The following ZNF804B variants were observed in gnomAD, a reference collection of about 807,000 sequenced individuals.
The protein encoded by ZNF804B is zinc finger 804B.
Under a neutral mutation model 101.4 loss-of-function variants are expected in ZNF804B, and 80 were observed. That is an observed-to-expected ratio of 0.79 (90% CI 0.66 to 0.95). The LOEUF (loss-of-function observed/expected upper bound fraction) is 0.95, where lower values mean the gene tolerates loss of function less well. Ranked by LOEUF, ZNF804B falls within the 40% of genes least tolerant of loss-of-function variation. The pLI, the probability that ZNF804B is intolerant of heterozygous loss-of-function variation, is 0.00. For missense variants in ZNF804B, 1,673 were observed against 1,561.9 expected (o/e 1.07, Z -1.20); for synonymous variants, 622 against 558.8 (o/e 1.11, Z -1.59).
intron 1 of ZNF804B, among the ~76,000 whole-genome samples, chr7:89,072,579 G>A (rs1036220702): frequency 6.6e-6 from 1 of 152,014 alleles, no homozygotes. Flanking sequence ...CTCTCTTTTG[G>A]AGTATATGAA....
At chr7:88,856,369 C>T (rs1419984774) in intron 1 of ZNF804B, among the ~76,000 whole-genome samples, 12 of 152,206 alleles carry the variant, frequency 7.9e-5, no homozygotes, top group East Asian at 5.8e-4. Flanking sequence ...TTTGAAGCAA[C>T]TGTGAATGGG....
chr7:88,848,238 G>C (rs1791403217), intron 1 of ZNF804B, among the ~76,000 whole-genome samples: 1 of 152,196 alleles, frequency 6.6e-6, no homozygotes, highest in Admixed American at 6.5e-5. Flanking sequence ...TGCTGGGTTA[G>C]AGCATGAAAG....
At chr7:89,280,984 G>T (rs531617744) in intron 2 of ZNF804B, among the ~76,000 whole-genome samples, 11 of 151,974 alleles carry the variant, frequency 7.2e-5, no homozygotes, top group Non-Finnish European at 1.3e-4. Flanking sequence ...TCAGTGTTTT[G>T]TAGTAAATTT....
At chr7:89,247,066 T>C (rs1789460541) in intron 2 of ZNF804B, among the ~76,000 whole-genome samples, 1 of 152,140 alleles carries the variant, frequency 6.6e-6, no homozygotes, top group South Asian at 2.1e-4. Context: ...GCACCCACTC[T>C]CCTGGATTAG....
In ZNF804B at chr7:89,220,041, A is replaced by G. The variant is rs1294642039; in HGVS notation, c.249+1746A>G. Among the ~76,000 whole-genome samples the G allele has an allele frequency of 8.2e-5, 11 of 134,968 alleles. 2 individuals carry two copies. The highest frequency in any genetic ancestry group is 6.3e-4 in the East Asian group (3 of 4,756). 88.5% of individuals were successfully genotyped at this position (134,968 alleles called of 152,430 possible). On this transcript the variant is annotated intron_variant, in intron 2 of 3. Coordinates refer to ENST00000333190, the MANE Select transcript of ZNF804B (RefSeq NM_181646.5). ...TGTATACATATATATACGCACATAT[A>G]TGTGCATATATACATATATACGCAC...
chr7:89,020,691 A>G (rs1788652793), intron 1 of ZNF804B, among the ~76,000 whole-genome samples: 1 of 152,112 alleles, frequency 6.6e-6, no homozygotes, highest in Non-Finnish European at 1.5e-5. Context: ...GAATTCCCAT[A>G]ATGTGCATAT....
At chr7:88,821,309 TA>T (rs1362441334) in intron 1 of ZNF804B, among the ~76,000 whole-genome samples, 1 of 152,208 alleles carries the variant, frequency 6.6e-6, no homozygotes, top group Non-Finnish European at 1.5e-5. Flanking sequence ...TGTATTTACT[TA>T]AATCCTACTT....
intron 1 of ZNF804B, among the ~76,000 whole-genome samples, chr7:88,966,963 C>CTTTTTTTTTTTT (rs201888421): frequency 7.0e-6 from 1 of 141,858 alleles, no homozygotes; most frequent in Non-Finnish European, 1.6e-5. Flanking sequence ...GAATTCTGGA[C>CTTTTTTTTTTTT]TTTTTTTTTT....
intron 1 of ZNF804B, among the ~76,000 whole-genome samples, chr7:89,033,273 C>T (rs972616499): frequency 2.0e-5 from 3 of 152,222 alleles, no homozygotes; most frequent in African/African-American, 7.2e-5. Context: ...CTCCAATTCA[C>T]GTTGTCACAA....
intron 1 of ZNF804B, among the ~76,000 whole-genome samples, chr7:88,993,139 T>G (rs1195824632): frequency 6.6e-6 from 1 of 152,014 alleles, no homozygotes; most frequent in Non-Finnish European, 1.5e-5. Context: ...CATTATGAAA[T>G]CTGGCATATA....
chr7:88,800,404 A>G (rs1790560249), intron 1 of ZNF804B, among the ~76,000 whole-genome samples: 1 of 152,138 alleles, frequency 6.6e-6, no homozygotes, highest in African/African-American at 2.4e-5. Context: ...CATTTAGTTA[A>G]TTGATTACAA....
chr7:88,939,836 T>G (rs1793030894), intron 1 of ZNF804B, among the ~76,000 whole-genome samples: 2 of 151,792 alleles, frequency 1.3e-5, no homozygotes, highest in South Asian at 4.1e-4. Flanking sequence ...GACAGCACAT[T>G]TCATCAGGAA....
At chr7:89,274,066 G>A (rs1050336833) in intron 2 of ZNF804B, among the ~76,000 whole-genome samples, 2 of 151,552 alleles carry the variant, frequency 1.3e-5, no homozygotes, top group African/African-American at 4.8e-5. Context: ...TGTGACTGAT[G>A]ACTATTCCAC....
intron 2 of ZNF804B, among the ~76,000 whole-genome samples, chr7:89,309,240 G>A (rs1366629730): frequency 6.6e-6 from 1 of 152,116 alleles, no homozygotes; most frequent in Non-Finnish European, 1.5e-5. Context: ...AACAGAACAT[G>A]TGGTATTTGG....
At position 89,334,535 on chromosome 7, in the gene ZNF804B, G is replaced by C; in HGVS notation, c.1553G>C (p.Gly518Ala). Reference sequence around the variant, plus strand: ...ACTAAAAGAGAGAGCCAAGTCTCAGGTTTAACTGAAGACCAACAAAAATTG... The same window carrying C: ...ACTAAAAGAGAGAGCCAAGTCTCAGCTTTAACTGAAGACCAACAAAAATTG... ...LKTKRESQVSGLTEDQQKLIQ... is the reference protein window; with the variant it reads ...LKTKRESQVSALTEDQQKLIQ... Residue 518 changes from glycine to alanine, a missense_variant, in exon 4 of 4, where the codon GGT becomes GCT. By Grantham distance (60) the Gly-to-Ala change is moderately conservative (BLOSUM62 0). Coordinates refer to ENST00000333190, the MANE Select transcript of ZNF804B (RefSeq NM_181646.5). The C allele has an allele frequency of 6.2e-7, 1 of 1,613,620 alleles. No individual in the cohort carries two copies. Among genetic ancestry groups the C allele is most frequent in the Non-Finnish European group, 8.5e-7 (1 of 1,179,798 alleles).
intron 2 of ZNF804B, among the ~76,000 whole-genome samples, chr7:89,303,338 C>T (rs535890655): frequency 6.6e-6 from 1 of 151,792 alleles, no homozygotes; most frequent in Non-Finnish European, 1.5e-5. Context: ...GAAAATATAA[C>T]TATTTTGAAA....
intron 1 of ZNF804B, among the ~76,000 whole-genome samples, chr7:88,849,060 A>C (rs1791415006): frequency 6.6e-6 from 1 of 152,132 alleles, no homozygotes; most frequent in Admixed American, 6.6e-5. Flanking sequence ...TTTACAAACA[A>C]AATAGCTGCT....
rs904250852 is a variant in ZNF804B, at chr7:89,141,995, G to A, written c.109-76160G>A. Among the ~76,000 whole-genome samples the A allele has an allele frequency of 2.6e-5, 4 of 151,736 alleles. No homozygotes were observed. The East Asian group carries it at 7.8e-4, about 29-fold the overall frequency. Reference sequence around the variant, plus strand: ...ACCAGACATTTATTCCATCCCTAAAGAATTGAGGGTCCTGAGAATGTAACC... The same window carrying A: ...ACCAGACATTTATTCCATCCCTAAAAAATTGAGGGTCCTGAGAATGTAACC... On this transcript the variant is annotated intron_variant, in intron 1 of 3. Coordinates refer to ENST00000333190, the MANE Select transcript of ZNF804B (RefSeq NM_181646.5).
chr7:89,231,142 G>C (rs181403947), intron 2 of ZNF804B, among the ~76,000 whole-genome samples: 1 of 151,992 alleles, frequency 6.6e-6, no homozygotes, highest in East Asian at 1.9e-4. Context: ...TGTGAGGCAA[G>C]GGCCCAAGTT....
Sources: gnomAD v4.1 joint callset for allele counts (sites outside exome capture counted in the v4.1 genomes callset) on GRCh38, gnomAD v4.1.1 for gene constraint, MANE v1.5 for transcripts, NCBI Gene and HGNC (gene_info 2026-07-23, HGNC 2026-07-21) for gene names.